PRSS12: variants seen among roughly 807,000 people sequenced by gnomAD.
PRSS12 encodes the protein neurotrypsin.
Under a neutral mutation model 104.4 loss-of-function variants are expected in PRSS12, and 85 were observed. The observed-to-expected ratio is 0.81, with a 90% CI of 0.68 to 0.98. The LOEUF (loss-of-function observed/expected upper bound fraction) is 0.98, where lower values mean the gene tolerates loss of function less well. PRSS12 is among the 50% of genes least tolerant of loss of function. The pLI, the probability that PRSS12 is intolerant of heterozygous loss-of-function variation, is 0.00. For synonymous variants in PRSS12, 454 were observed against 425.2 expected (o/e 1.07, Z -0.83); for missense variants, 1,141 against 1,139.2 (o/e 1.00, Z -0.02).
chr4:118,313,352 C>T lies in PRSS12; in HGVS notation c.1338G>A (p.Gly446=), dbSNP rs373363378. 1 of 1,614,094 alleles carries T rather than the reference C, an allele frequency of 6.2e-7. No homozygotes were observed. Among genetic ancestry groups the T allele is most frequent in the Non-Finnish European group, 8.5e-7 (1 of 1,180,000 alleles). The part of the protein sequence containing the change: ...ASANHFEEST[G]PIWLDDVSCS... ...AGCTGACGTCATCCAACCATATGGG[C>T]CCTGTGCTTTCTTCAAAATGGTTGG... Residue 446 remains glycine, a synonymous_variant, in exon 7 of 13, where the codon GGG becomes GGA. Coordinates refer to ENST00000296498, the MANE Select transcript of PRSS12 (RefSeq NM_003619.4).
intron 11 of PRSS12, among the ~76,000 whole-genome samples, chr4:118,294,573 A>T (rs1204775436): frequency 6.6e-6 from 1 of 152,132 alleles, no homozygotes; most frequent in Non-Finnish European, 1.5e-5. Flanking sequence ...AAAACACTAC[A>T]ACTGCATTCC....
At chr4:118,329,027 C>T (rs1317097433) in intron 4 of PRSS12, among the ~76,000 whole-genome samples, 2 of 152,048 alleles carry the variant, frequency 1.3e-5, no homozygotes, top group Non-Finnish European at 2.9e-5. Flanking sequence ...CTCCTGACCT[C>T]GTGATCCACC....
chr4:118,288,148 C>T (rs994738767), intron 11 of PRSS12, among the ~76,000 whole-genome samples: 4 of 152,222 alleles, frequency 2.6e-5, no homozygotes, highest in African/African-American at 4.8e-5. Context: ...AGGCCATGCA[C>T]ATCTGCTACT....
chr4:118,295,759 C>A lies in PRSS12; in HGVS notation c.1916+19G>T, dbSNP rs148495776. On this transcript the variant is annotated intron_variant, in intron 10 of 12. Coordinates refer to ENST00000296498, the MANE Select transcript of PRSS12 (RefSeq NM_003619.4). ...AATAATTCTGTAATATAAAAAATCT[C>A]TTTTGGAGGAACATTTACCTTAAAG... 8.3e-5 allele frequency: 133 copies of A among 1,597,936 alleles called. 1 individual carries two copies. The East Asian group carries it at 2.8e-3, about 34-fold the overall frequency.
intron 1 of PRSS12, among the ~76,000 whole-genome samples, chr4:118,345,477 T>C (rs184067643): frequency 8.1e-4 from 123 of 152,276 alleles, no homozygotes; most frequent in South Asian, 3.3e-3. Flanking sequence ...GCCTATTTAC[T>C]ATGCAGCTAA....
Position 118,282,355 on chromosome 4 carries a change from T to C in PRSS12, c.2321-112A>G, listed in dbSNP as rs559034119. The C allele has an allele frequency of 6.0e-5, 84 of 1,391,682 alleles. 2 individuals carry two copies. In the South Asian group the frequency reaches 9.5e-4, roughly 16 times the overall value. 86.2% of individuals were successfully genotyped at this position (1,391,682 alleles called of 1,614,324 possible). ...TAAAATCCCTGTTGTGGCATTAGTG[T>C]AGTTTAAAATGAGCAATGACTAACT... On this transcript the variant is annotated intron_variant, in intron 12 of 12. Coordinates refer to ENST00000296498, the MANE Select transcript of PRSS12 (RefSeq NM_003619.4).
intron 5 of PRSS12, among the ~76,000 whole-genome samples, chr4:118,317,584 C>G (rs1723478281): frequency 6.6e-6 from 1 of 152,072 alleles, no homozygotes; most frequent in African/African-American, 2.4e-5. Flanking sequence ...ATGAAGTGCT[C>G]TGGCTAAAAA....
chr4:118,296,950 G>C (rs1029648090), intron 9 of PRSS12, among the ~76,000 whole-genome samples: 1 of 152,148 alleles, frequency 6.6e-6, no homozygotes, highest in African/African-American at 2.4e-5. Flanking sequence ...GAAAAGGAAT[G>C]ATGTAATGTT....
rs1474500138 is a variant in PRSS12 at position 118,325,799 on chromosome 4, T to G, written c.971+5917A>C. ...AGTTCATCTGTAATAAAAGCTCTAG[T>G]GTTGTCTAGTTTTTTACCCTCTGAT... On this transcript the variant is annotated intron_variant, in intron 4 of 12. Transcript: ENST00000296498. Among the ~76,000 whole-genome samples the G allele has an allele frequency of 2.6e-5, 4 of 152,032 alleles. No homozygotes were observed. In the East Asian group the frequency reaches 7.7e-4, roughly 29 times the overall value.
intron 8 of PRSS12, among the ~76,000 whole-genome samples, chr4:118,302,677 G>T (rs964243020): frequency 6.6e-6 from 1 of 152,108 alleles, no homozygotes; most frequent in Non-Finnish European, 1.5e-5. Flanking sequence ...TCTGCCCGCC[G>T]CGGCCTCCCA....
chr4:118,328,551 T>C (rs543913903), intron 4 of PRSS12, among the ~76,000 whole-genome samples: 1 of 152,004 alleles, frequency 6.6e-6, no homozygotes, highest in Non-Finnish European at 1.5e-5. Context: ...GTGAAAAAAA[T>C]ATTTGTCTCA....
At chr4:118,282,454 T>C (rs976138791) in intron 12 of PRSS12, among the ~76,000 whole-genome samples, 1 of 152,234 alleles carries the variant, frequency 6.6e-6, no homozygotes, top group African/African-American at 2.4e-5. Flanking sequence ...CAGTACTGAA[T>C]TGTCTGAGGA....
intron 11 of PRSS12, among the ~76,000 whole-genome samples, chr4:118,284,521 G>T (rs1742971089): frequency 6.6e-6 from 1 of 152,150 alleles, no homozygotes; most frequent in South Asian, 2.1e-4. Context: ...CACTTACAAT[G>T]TAAAACCTAG....
intron 11 of PRSS12, among the ~76,000 whole-genome samples, chr4:118,286,068 T>C (rs1743010410): frequency 6.6e-6 from 1 of 152,226 alleles, no homozygotes; most frequent in South Asian, 2.1e-4. Context: ...CTTGCCTTAA[T>C]GTGTCATTTC....
At chr4:118,310,678 A>G (rs1227717739) in intron 7 of PRSS12, among the ~76,000 whole-genome samples, 2 of 152,182 alleles carry the variant, frequency 1.3e-5, no homozygotes, top group Non-Finnish European at 2.9e-5. Context: ...TTTTCCTGTA[A>G]CATAATACAT....
rs1379781759 is a variant in PRSS12, at chr4:118,282,076, T to C, written c.2488A>G (p.Met830Val). 3.1e-6 allele frequency: 5 copies of C among 1,613,292 alleles called. No individual in the cohort carries two copies. The highest frequency in any genetic ancestry group is 1.7e-5 in the Admixed American group (1 of 60,008). ...SCQGDSGGPL[M>V]CERPGESWVV... The stretch of plus-strand genomic sequence containing the variant: ...CAGCTCTCTCCGGGCCGTTCACACA[T>C]GAGTGGTCCTCCGCTGTCTCCCTGG... Residue 830 changes from methionine (M) to valine (V), a missense_variant, in exon 13 of 13, where the codon ATG becomes GTG. Physicochemically the swap from Met to Val is conservative, Grantham distance 21. Transcript: ENST00000296498.
chr4:118,283,009 A>C lies in PRSS12; in HGVS notation c.2142T>G (p.Ile714Met). 1.2e-6 allele frequency: 2 copies of C among 1,614,136 alleles called. No individual in the cohort carries two copies. The highest frequency in any genetic ancestry group is 1.7e-6 in the Non-Finnish European group (2 of 1,180,032). ...EEEIGVQQIV[I>M]HREYRPDRSD... ...TGCGGTCGGGTCGATACTCCCGATG[A>C]ATCACAATCTGTTGAACTCCAATTT... The change falls in exon 12 of 13, where the codon ATT (isoleucine) becomes ATG (methionine). Residue 714 changes from isoleucine (I) to methionine (M), a missense_variant. Coordinates refer to ENST00000296498, the MANE Select transcript of PRSS12 (RefSeq NM_003619.4).
intron 4 of PRSS12, among the ~76,000 whole-genome samples, chr4:118,323,457 GA>G (rs953651249): frequency 6.0e-5 from 9 of 148,852 alleles, no homozygotes; most frequent in East Asian, 4.0e-4. Flanking sequence ...AATATAGGTG[GA>G]AAAAAAAGAA....
At chr4:118,317,081 G>C (rs972315283) in intron 5 of PRSS12, among the ~76,000 whole-genome samples, 15 of 151,624 alleles carry the variant, frequency 9.9e-5, no homozygotes, top group Admixed American at 5.2e-4. Context: ...TACTGAAATA[G>C]GATGACAGAA....
Sources: allele counts gnomAD v4.1 joint callset (sites outside exome capture counted in the v4.1 genomes callset), GRCh38; gene constraint gnomAD v4.1.1; transcripts MANE v1.5; gene names NCBI Gene and HGNC (gene_info 2026-07-23, HGNC 2026-07-21).